Variants in RELA observed in about 807,000 individuals in gnomAD.
RELA encodes the protein transcription factor p65.
RELA carries 14 observed loss-of-function variants against 56.7 expected under a neutral mutation model. The observed-to-expected ratio is 0.25, with a 90% confidence interval of 0.16 to 0.39. The LOEUF (loss-of-function observed/expected upper bound fraction) is 0.39, where lower values mean the gene tolerates loss of function less well. Ranked by LOEUF, RELA falls within the 10% of genes least tolerant of loss-of-function variation. The pLI, the probability that RELA is intolerant of heterozygous loss-of-function variation, is 1.00. For synonymous variants in RELA, 315 were observed against 289.7 expected, an observed-to-expected ratio of 1.09 and a Z score of -0.89; for missense variants, 559 against 736.4, an observed-to-expected ratio of 0.76 and a Z score of 2.79.
chr11:65,655,404 T>A (rs978471441), intron 10 of RELA: 8 of 586,692 alleles, frequency 1.4e-5, no homozygotes, highest in Non-Finnish European at 2.1e-5. Context: ...CTTGCTAATT[T>A]AGAGGTGATT....
At position 65,659,318 on chromosome 11, in the gene RELA, C is replaced by G. The variant is rs1590936376; in HGVS notation, c.559+348G>C. ...CCAATTCATCTGTGGGCTTCCATCACTGAATCATCATTCTCGAACACTATC... is the reference window on the plus strand; with the variant it reads ...CCAATTCATCTGTGGGCTTCCATCAGTGAATCATCATTCTCGAACACTATC... On this transcript the variant is annotated intron_variant, in intron 6 of 10. Coordinates refer to ENST00000406246, the MANE Select transcript of RELA (RefSeq NM_021975.4). Among the ~76,000 whole-genome samples, 4 of 152,234 alleles carry G rather than the reference C, an allele frequency of 2.6e-5. No individual in the cohort carries two copies. The South Asian group carries it at 8.3e-4, about 31-fold the overall frequency.
At chr11:65,662,278 G>A (rs1856590951) in intron 1 of RELA, 73 bp from the exon 2 acceptor site, 1 of 1,449,118 alleles carries the variant, frequency 6.9e-7, no homozygotes, top group Non-Finnish European at 9.1e-7. Flanking sequence ...TGCTCTCCAC[G>A]GAGAGGAGAA....
At chr11:65,655,104 T>A in intron 10 of RELA, 104 bp from the exon 11 acceptor site, 1 of 908,992 alleles carries the variant, frequency 1.1e-6, no homozygotes, top group Non-Finnish European at 1.7e-6. Flanking sequence ...TCAATCCCTC[T>A]CTAGGGAGTC....
intron 8 of RELA, among the ~76,000 whole-genome samples, chr11:65,656,691 C>A (rs935173359): frequency 6.6e-6 from 1 of 152,126 alleles, no homozygotes; most frequent in South Asian, 2.1e-4. Context: ...AAGTTGGCAT[C>A]CTAGTGAAAA....
intron 6 of RELA, among the ~76,000 whole-genome samples, chr11:65,659,362 T>G (rs989981393): frequency 2.0e-5 from 3 of 152,188 alleles, no homozygotes; most frequent in African/African-American, 4.8e-5. Context: ...GGGAGTTCAT[T>G]TCCTAGAGTC....
intron 1 of RELA, chr11:65,662,561 C>A: frequency 2.4e-6 from 1 of 408,608 alleles, no homozygotes; most frequent in Non-Finnish European, 4.3e-6. Context: ...CCCCCATGGA[C>A]GGTGTGGAGG....
In RELA at chr11:65,659,192, C is replaced by T. The variant is rs183163095; in HGVS notation, c.560-370G>A. Among the ~76,000 whole-genome samples, 590 of 152,274 alleles carry T rather than the reference C, an allele frequency of 3.9e-3. 4 individuals are homozygous for T. Among genetic ancestry groups the T allele is most frequent in the African/African-American group, 0.014 (574 of 41,536 alleles). On this transcript the variant is annotated intron_variant, in intron 6 of 10. Coordinates refer to ENST00000406246, the MANE Select transcript of RELA (RefSeq NM_021975.4). ...TGGCAATGAGCCCTTCCCTCCTGAC[C>T]CCCAGTTTATCCTGGTTTCCCATCC...
At chr11:65,660,412 G>T in intron 4 of RELA, 197 bp from the exon 5 acceptor site, 1 of 600,628 alleles carries the variant, frequency 1.7e-6, no homozygotes, top group South Asian at 2.0e-5. Context: ...CCCTGCCCCT[G>T]CCAGCCTCCC....
chr11:65,658,523 T>G lies in RELA; in HGVS notation c.665-24A>C, dbSNP rs748565280. 3.2e-6 allele frequency: 5 copies of G among 1,563,964 alleles called. No homozygotes were observed. The African/African-American group carries it at 4.1e-5, about 13-fold the overall frequency. On this transcript the variant is annotated intron_variant, in intron 7 of 10. Coordinates refer to ENST00000406246, the MANE Select transcript of RELA (RefSeq NM_021975.4). This position sits in a 1 kb window ranked among gnomAD's most constrained non-coding sequence, Gnocchi z 4.5. ...CTCTGCAGGAGATGCGGTGGCAGTG[T>G]GGGTCAGTGTGTCTAACCCTCCATG...
upstream of RELA, chr11:65,663,146 A>G (rs2135577233): frequency 4.7e-6 from 1 of 214,072 alleles, no homozygotes. Context: ...CCCCGCCTGG[A>G]GGGTGGGTCC....
rs576146351 is a variant in RELA at position 65,656,125 on chromosome 11, G to C, written c.878-190C>G. Reference sequence around the variant, plus strand: ...AATCCCACAGCTTTTGGAGGCCTCTGTTGGCTGAATCTGCCCCTCTAAGAC... The same window carrying C: ...AATCCCACAGCTTTTGGAGGCCTCTCTTGGCTGAATCTGCCCCTCTAAGAC... On this transcript the variant is annotated intron_variant, in intron 8 of 10. Coordinates refer to ENST00000406246, the MANE Select transcript of RELA (RefSeq NM_021975.4). 4.6e-5 allele frequency among the ~76,000 whole-genome samples: 7 copies of C among 152,308 alleles called. No homozygotes were observed. In the South Asian group the frequency reaches 1.4e-3, roughly 32 times the overall value.
Position 65,654,016 on chromosome 11 carries a change from C to T in RELA, c.*362G>A. Reference sequence around the variant, plus strand: ...AAGACACTTGATAAGGCTTTGTGGGCTCAAAGGCCTTACCTCCAGCCTGCT... The same window carrying T: ...AAGACACTTGATAAGGCTTTGTGGGTTCAAAGGCCTTACCTCCAGCCTGCT... On this transcript the variant is annotated 3_prime_UTR_variant, in exon 11 of 11. Coordinates refer to ENST00000406246, the MANE Select transcript of RELA (RefSeq NM_021975.4). The T allele has an allele frequency of 2.9e-6, 1 of 348,520 alleles. No individual in the cohort carries two copies. The highest frequency in any genetic ancestry group is 5.4e-6 in the Non-Finnish European group (1 of 183,986). The allele number at this position is 348,520 out of a possible 1,614,324, so 21.6% of individuals were successfully genotyped here.
chr11:65,659,930 C>T (rs1397069718), intron 5 of RELA, 133 bp from the exon 6 acceptor site: 5 of 1,270,092 alleles, frequency 3.9e-6, no homozygotes, highest in Non-Finnish European at 5.5e-6. Flanking sequence ...AGGCAGAACC[C>T]AGCACTGACT....
Position 65,653,890 on chromosome 11 carries a change from C to G in RELA, c.*488G>C, listed in dbSNP as rs768406925. The G allele has an allele frequency of 2.8e-4, 60 of 212,234 alleles. No individual in the cohort carries two copies. The highest frequency in any genetic ancestry group is 4.2e-4 in the Non-Finnish European group (44 of 103,798). 13.1% of individuals were successfully genotyped at this position (212,234 alleles called of 1,614,324 possible). A position where few individuals can be genotyped will look rare whatever the true frequency, so the allele number is the denominator to read the frequency against. On this transcript the variant is annotated 3_prime_UTR_variant, in exon 11 of 11. Coordinates refer to ENST00000406246, the MANE Select transcript of RELA (RefSeq NM_021975.4). ...GACCTCTGTAGGGCAGGAAGGCCAG[C>G]CCCTCAAACGCTGGTGTTAGGCACA...
At position 65,660,184 on chromosome 11, in the gene RELA, T is replaced by C; in HGVS notation, c.367A>G (p.Lys123Glu). 6.2e-7 allele frequency: 1 copy of C among 1,614,098 alleles called. No individual in the cohort carries two copies. The highest frequency in any genetic ancestry group is 8.5e-7 in the Non-Finnish European group (1 of 1,180,008). The change falls in exon 5 of 11, where the codon AAG becomes GAG. Residue 123 changes from lysine (K) to glutamate (E), a missense_variant. Physicochemically the swap from Lys to Glu is moderately conservative, Grantham distance 56. Coordinates refer to ENST00000406246, the MANE Select transcript of RELA (RefSeq NM_021975.4). ...CTGATAGCCTGCTCCAGGTCCCGCTTCTTCACACACTGGATTCCCAGGTTC... is the reference window on the plus strand; with the variant it reads ...CTGATAGCCTGCTCCAGGTCCCGCTCCTTCACACACTGGATTCCCAGGTTC... Reference protein sequence around the residue: ...FQNLGIQCVKKRDLEQAISQR... With the variant: ...FQNLGIQCVKERDLEQAISQR...
chr11:65,656,014 A>T (rs1856418549), intron 8 of RELA, 79 bp from the exon 9 acceptor site: 1 of 1,236,850 alleles, frequency 8.1e-7, no homozygotes, highest in African/African-American at 1.5e-5. Context: ...CTCAGGAGGA[A>T]GGGGAGGAGC....
intron 8 of RELA, among the ~76,000 whole-genome samples, chr11:65,657,295 G>A (rs150788390): frequency 1.3e-5 from 2 of 152,320 alleles, no homozygotes; most frequent in East Asian, 3.9e-4. Context: ...GGTAACTGAG[G>A]ACAGTGGTGG....
At chr11:65,663,258 G>A (rs376548775), upstream of RELA, among the ~76,000 whole-genome samples, 68 of 152,172 alleles carry the variant, frequency 4.5e-4, no homozygotes, top group African/African-American at 1.5e-3. Flanking sequence ...CAAAGCCAGG[G>A]CTACTGGGCT....
chr11:65,660,454 C>G (rs535601247), intron 4 of RELA: 2 of 578,134 alleles, frequency 3.5e-6, no homozygotes, highest in South Asian at 4.2e-5. Context: ...CACCGGGGCT[C>G]CTTTTCCACT....
Sources: gnomAD v4.1 joint callset for allele counts (sites outside exome capture counted in the v4.1 genomes callset) on GRCh38, gnomAD v4.1.1 for gene constraint, Gnocchi (gnomAD v3.1) non-coding constraint, MANE v1.5 for transcripts, NCBI Gene and HGNC (gene_info 2026-07-23, HGNC 2026-07-21) for gene names.